Variants in TMOD3 observed in about 807,000 individuals in gnomAD.
TMOD3 encodes the protein tropomodulin-3.
TMOD3 carries 20 observed loss-of-function variants against 39.2 expected under a neutral mutation model. The observed-to-expected ratio is 0.51, with a 90% CI of 0.36 to 0.74. The LOEUF is 0.74. Ranked by LOEUF, TMOD3 falls within the 30% of genes least tolerant of loss-of-function variation. TMOD3 has a pLI of 0.00. For synonymous variants in TMOD3, 143 were observed against 145.8 expected, an observed-to-expected ratio of 0.98 and a Z score of 0.14; for missense variants, 381 against 412.8, an observed-to-expected ratio of 0.92 and a Z score of 0.67.
intron 2 of TMOD3, among the ~76,000 whole-genome samples, chr15:51,867,813 A>G (rs2056454606): frequency 6.6e-6 from 1 of 152,306 alleles, no homozygotes; most frequent in South Asian, 2.1e-4. Flanking sequence ...TGACAAGTGA[A>G]AGGACGGTAC....
At chr15:51,859,378 C>T in intron 1 of TMOD3, 1 of 692,864 alleles carries the variant, frequency 1.4e-6, no homozygotes, top group Admixed American at 1.8e-5. Flanking sequence ...AAAGCCCTCT[C>T]ATAATATTCT....
At chr15:51,850,255 A>G (rs767282616) in intron 1 of TMOD3, among the ~76,000 whole-genome samples, 14 of 152,080 alleles carry the variant, frequency 9.2e-5, no homozygotes, top group Non-Finnish European at 1.8e-4. Context: ...CAATTACTGG[A>G]TAATTGTGCT....
chr15:51,894,005 A>G, intron 6 of TMOD3, 60 bp downstream of exon 6: 11 of 1,407,844 alleles, frequency 7.8e-6, no homozygotes, highest in Non-Finnish European at 1.0e-5. Context: ...CTAGGATGAG[A>G]GCTGGGCAGT....
chr15:51,846,317 T>TCAAAACAAAACAAAA (rs375578220), intron 1 of TMOD3, among the ~76,000 whole-genome samples: 8 of 151,888 alleles, frequency 5.3e-5, no homozygotes, highest in African/African-American at 1.9e-4. Context: ...GGTAACAGGC[T>TCAAAACAAAACAAAA]CAAAACAAAA....
In TMOD3 at chr15:51,908,985, A is replaced by G. The variant is rs1284394131; in HGVS notation, c.*175A>G. On this transcript the variant is annotated 3_prime_UTR_variant, in exon 10 of 10. Transcript: ENST00000308580. The stretch of plus-strand genomic sequence containing the variant: ...TAAAATCAGTAATGTGATATTTTAT[A>G]TTCTGAAACATTTCTACTTTCTGCT... 1 of 426,728 alleles carries G rather than the reference A, an allele frequency of 2.3e-6. No homozygotes were observed. The highest frequency in any genetic ancestry group is 4.2e-6 in the Non-Finnish European group (1 of 239,374). 26.4% of individuals were successfully genotyped at this position (426,728 alleles called of 1,614,324 possible). A position where few individuals can be genotyped will look rare whatever the true frequency, so the allele number is the denominator to read the frequency against.
chr15:51,847,563 A>C (rs921304643), intron 1 of TMOD3, among the ~76,000 whole-genome samples: 9 of 152,198 alleles, frequency 5.9e-5, no homozygotes, highest in African/African-American at 1.9e-4. Flanking sequence ...TTTAAGCTTC[A>C]TTATATAGAA....
intron 7 of TMOD3, among the ~76,000 whole-genome samples, 182 bp downstream of exon 7, chr15:51,896,708 T>TC (rs1185371286): frequency 6.6e-6 from 1 of 152,176 alleles, no homozygotes; most frequent in Non-Finnish European, 1.5e-5. Flanking sequence ...ATGAATTTTT[T>TC]CCCCCTCCCA....
At chr15:51,880,937 G>T in intron 3 of TMOD3, among the ~76,000 whole-genome samples, 1 of 152,170 alleles carries the variant, frequency 6.6e-6, no homozygotes, top group East Asian at 1.9e-4. Context: ...CTTCTCACCA[G>T]TAATGTACCA....
At chr15:51,895,390 T>G (rs2570223) in intron 6 of TMOD3, among the ~76,000 whole-genome samples, 5,104 of 152,022 alleles carry the variant, frequency 0.034, 284 homozygotes, top group African/African-American at 0.12. Flanking sequence ...TGGCTAATTT[T>G]TGTATTTTTA....
chr15:51,879,080 A>T (rs945111903), intron 3 of TMOD3, among the ~76,000 whole-genome samples: 1 of 152,186 alleles, frequency 6.6e-6, no homozygotes, highest in African/African-American at 2.4e-5. Context: ...GGATCACAGT[A>T]TTTCTTACTG....
intron 5 of TMOD3, chr15:51,892,280 G>A (rs1043916319): frequency 6.6e-6 from 1 of 152,142 alleles, no homozygotes; most frequent in African/African-American, 2.4e-5. Flanking sequence ...TAGTTTGTGA[G>A]CCTTTTGTGG....
intron 3 of TMOD3, among the ~76,000 whole-genome samples, chr15:51,886,846 T>G (rs1385799530): frequency 6.6e-6 from 1 of 152,222 alleles, no homozygotes. Flanking sequence ...GAAATTTGTT[T>G]GCAATCAGAA....
At chr15:51,862,613 C>G (rs2056424704) in intron 1 of TMOD3, among the ~76,000 whole-genome samples, 198 bp from the exon 2 acceptor site, 1 of 152,028 alleles carries the variant, frequency 6.6e-6, no homozygotes, top group African/African-American at 2.4e-5. Context: ...TATCTTTTCC[C>G]TCTTTTTTCC....
intron 1 of TMOD3, among the ~76,000 whole-genome samples, chr15:51,830,371 C>T (rs1386447901): frequency 6.6e-6 from 1 of 152,226 alleles, no homozygotes; most frequent in African/African-American, 2.4e-5. Context: ...TCCCAGGCAG[C>T]ACAGCTGGAT....
At chr15:51,886,291 G>C (rs2056562847) in intron 3 of TMOD3, among the ~76,000 whole-genome samples, 1 of 152,202 alleles carries the variant, frequency 6.6e-6, no homozygotes, top group Non-Finnish European at 1.5e-5. Flanking sequence ...CTGCAATCTG[G>C]GCACTTTGGG....
chr15:51,864,350 T>C (rs1159591535), intron 2 of TMOD3, among the ~76,000 whole-genome samples: 1 of 151,976 alleles, frequency 6.6e-6, no homozygotes, highest in Non-Finnish European at 1.5e-5. Flanking sequence ...GTATTTACTT[T>C]TGAGGTTGGA....
At chr15:51,836,296 C>T (rs1296864365) in intron 1 of TMOD3, among the ~76,000 whole-genome samples, 2 of 152,124 alleles carry the variant, frequency 1.3e-5, no homozygotes, top group African/African-American at 4.8e-5. Context: ...TACCTAATTC[C>T]TCCCAATTCC....
intron 7 of TMOD3, among the ~76,000 whole-genome samples, chr15:51,899,546 G>T (rs1450268632): frequency 1.3e-5 from 2 of 151,578 alleles, no homozygotes; most frequent in Non-Finnish European, 2.9e-5. Flanking sequence ...CACAACTGTA[G>T]TCTCAGCTAC....
At chr15:51,868,017 G>T (rs574265051) in intron 2 of TMOD3, among the ~76,000 whole-genome samples, 92 of 152,298 alleles carry the variant, frequency 6.0e-4, no homozygotes. Flanking sequence ...GTCCCTTGGG[G>T]CATGTGAAAC....
Sources: allele counts gnomAD v4.1 joint callset (sites outside exome capture counted in the v4.1 genomes callset), GRCh38; gene constraint gnomAD v4.1.1; transcripts MANE v1.5; gene names NCBI Gene and HGNC (gene_info 2026-07-23, HGNC 2026-07-21).